Variants in KDM3A observed in about 807,000 individuals in gnomAD.
The protein encoded by KDM3A is lysine demethylase 3A.
KDM3A carries 60 observed loss-of-function variants against 158.0 expected under a neutral mutation model. That is an observed-to-expected ratio of 0.38 (90% CI 0.31 to 0.47). The LOEUF (loss-of-function observed/expected upper bound fraction) is 0.47, where lower values mean the gene tolerates loss of function less well. Among genes scored for constraint, KDM3A ranks in the 20% least tolerant of loss-of-function variants. KDM3A has a pLI of 0.99. For synonymous variants in KDM3A, 608 were observed against 549.3 expected, an observed-to-expected ratio of 1.11 and a Z score of -1.49; for missense variants, 1,319 against 1,574.3, an observed-to-expected ratio of 0.84 and a Z score of 2.74.
chr2:86,465,068 TA>T (rs1673077704), intron 9 of KDM3A, among the ~76,000 whole-genome samples: 1 of 152,176 alleles, frequency 6.6e-6, no homozygotes, highest in South Asian at 2.1e-4. Context: ...TCTGAGTGTT[TA>T]AATGAAAAAT....
intron 2 of KDM3A, chr2:86,443,241 C>G (rs953592185): frequency 1.3e-5 from 2 of 152,186 alleles, no homozygotes; most frequent in African/African-American, 4.8e-5. Context: ...ATCATCTTTG[C>G]TTTTTCTTAA....
intron 2 of KDM3A, among the ~76,000 whole-genome samples, chr2:86,444,626 G>A (rs975746091): frequency 4.7e-5 from 7 of 150,318 alleles, no homozygotes; most frequent in Non-Finnish European, 8.9e-5. Flanking sequence ...GCTTACACTA[G>A]GGTTTAGGGG....
In KDM3A at chr2:86,481,997, C is replaced by T. The variant is rs2104700274; in HGVS notation, c.2580C>T (p.Ser860=). ...IKCLPPLPPL[S]KSSTVLHTFN... is the part of the protein sequence containing the mutation. Reference sequence around the variant, plus strand: ...GCCTTCCACCCCTCCCACCTTTAAGCAAATCCAGCACAGTCCTCCATACGT... The same window carrying T: ...GCCTTCCACCCCTCCCACCTTTAAGTAAATCCAGCACAGTCCTCCATACGT... The change falls in exon 17 of 26, where the codon AGC becomes AGT. Residue 860 remains serine (S), a synonymous_variant. Coordinates refer to ENST00000312912, the MANE Select transcript of KDM3A (RefSeq NM_018433.6). 6.2e-7 allele frequency: 1 copy of T among 1,613,874 alleles called. No homozygotes were observed. Among genetic ancestry groups the T allele is most frequent in the Non-Finnish European group, 8.5e-7 (1 of 1,179,806 alleles).
intron 9 of KDM3A, among the ~76,000 whole-genome samples, chr2:86,466,054 A>T (rs2104663747): frequency 6.6e-6 from 1 of 152,176 alleles, no homozygotes; most frequent in East Asian, 1.9e-4. Flanking sequence ...GGTTTCATAC[A>T]ATATTTTGTT....
At position 86,468,801 on chromosome 2, in the gene KDM3A, T is replaced by A. The variant is rs564550112; in HGVS notation, c.1520-1403T>A. ...AGATAGATACGTGGCTCCTCGGAAG[T>A]GGGCGTTGCATTTTTCTCTTGACTT... On this transcript the variant is annotated intron_variant, in intron 10 of 25. Coordinates refer to ENST00000312912, the MANE Select transcript of KDM3A (RefSeq NM_018433.6). Among the ~76,000 whole-genome samples the A allele has an allele frequency of 3.9e-5, 6 of 152,306 alleles. No homozygotes were observed. In the East Asian group the frequency reaches 1.2e-3, roughly 29 times the overall value.
At chr2:86,485,351 C>G (rs1247355697) in intron 20 of KDM3A, among the ~76,000 whole-genome samples, 2 of 152,186 alleles carry the variant, frequency 1.3e-5, no homozygotes, top group African/African-American at 4.8e-5. Flanking sequence ...AGGGTCAGGA[C>G]AATGTAGTCA....
upstream of KDM3A, among the ~76,000 whole-genome samples, chr2:86,437,109 T>C (rs1682505393): frequency 6.6e-6 from 1 of 152,176 alleles, no homozygotes; most frequent in African/African-American, 2.4e-5. Context: ...TTTTCGTGAA[T>C]GTTGGTGTAG....
chr2:86,470,626 T>G (rs1246313069), intron 11 of KDM3A, among the ~76,000 whole-genome samples: 1 of 152,196 alleles, frequency 6.6e-6, no homozygotes, highest in East Asian at 1.9e-4. Flanking sequence ...CTTAAAAATA[T>G]AAACTTCTAT....
At chr2:86,478,353 A>C (rs1174609307) in intron 14 of KDM3A, 88 bp downstream of exon 14, 7 of 1,017,542 alleles carry the variant, frequency 6.9e-6, no homozygotes, top group Admixed American at 2.1e-5. Flanking sequence ...ATTACTCGTT[A>C]AGTTTATTTT....
At chr2:86,490,766 C>T (rs1674415272) in intron 23 of KDM3A, 115 bp from the exon 24 acceptor site, 1 of 684,478 alleles carries the variant, frequency 1.5e-6, no homozygotes, top group South Asian at 2.1e-5. Flanking sequence ...AATGGGGGCA[C>T]TTAAGTTGAA....
At position 86,474,824 on chromosome 2, in the gene KDM3A, A is replaced by G; in HGVS notation, c.1773A>G (p.Thr591=). 2 of 1,613,468 alleles carry G rather than the reference A, an allele frequency of 1.2e-6. No individual in the cohort carries two copies. The highest frequency in any genetic ancestry group is 8.5e-7 in the Non-Finnish European group (1 of 1,179,944). The change falls in exon 12 of 26, where the codon ACA becomes ACG. Residue 591 remains threonine, a synonymous_variant. Coordinates refer to ENST00000312912, the MANE Select transcript of KDM3A (RefSeq NM_018433.6). ...HGVLRVEGFL[T]PNKYDNEAIG... is the part of the protein sequence containing the mutation. ...TGTTGCGGGTAGAAGGCTTCTTAACACCAAACAAGTATGACAATGAAGCAA... is the reference window on the plus strand; with the variant it reads ...TGTTGCGGGTAGAAGGCTTCTTAACGCCAAACAAGTATGACAATGAAGCAA...
intron 21 of KDM3A, chr2:86,489,053 C>G: frequency 2.7e-6 from 1 of 370,388 alleles, no homozygotes; most frequent in Non-Finnish European, 5.0e-6. Flanking sequence ...CTCACTTGAT[C>G]TAGCAGATGT....
intron 8 of KDM3A, among the ~76,000 whole-genome samples, chr2:86,459,299 C>T (rs1672830078): frequency 6.6e-6 from 1 of 152,054 alleles, no homozygotes; most frequent in Non-Finnish European, 1.5e-5. Context: ...GTCAAGTAAT[C>T]CATAGTATTA....
intron 15 of KDM3A, chr2:86,479,924 C>G: frequency 3.9e-6 from 2 of 516,166 alleles, no homozygotes; most frequent in Non-Finnish European, 6.9e-6. Context: ...CCAGCAGGGG[C>G]TGGTGAAAGG....
chr2:86,479,335 T>G lies in KDM3A; in HGVS notation c.2316+600T>G, dbSNP rs559662486. 6 of 152,302 alleles carry G rather than the reference T, an allele frequency of 3.9e-5. No individual in the cohort carries two copies. In the East Asian group the frequency reaches 5.8e-4, roughly 15 times the overall value. 9.4% of individuals were successfully genotyped at this position (152,302 alleles called of 1,614,324 possible). On this transcript the variant is annotated intron_variant, in intron 15 of 25. Coordinates refer to ENST00000312912, the MANE Select transcript of KDM3A (RefSeq NM_018433.6). The stretch of plus-strand genomic sequence containing the variant: ...GTGTTTAATAATCAGAAATTTACAT[T>G]TCTATAAAGCTGTGGTGTCATAAGG...
chr2:86,489,325 C>A lies in KDM3A; in HGVS notation c.3321C>A (p.Ile1107=). The change falls in exon 22 of 26, where the codon ATC becomes ATA. Residue 1107 remains isoleucine (I), a synonymous_variant. Coordinates refer to ENST00000312912, the MANE Select transcript of KDM3A (RefSeq NM_018433.6). ...GGCACTTTGTTTTTGCAGGATTAAT[C>A]ACTCCTGAAGATCGGAAATATGGAA... is the stretch of plus-strand genomic sequence containing the variant. The part of the protein sequence containing the change: ...GPKMYNAYGL[I]TPEDRKYGTT... 6.2e-7 allele frequency: 1 copy of A among 1,613,014 alleles called. No individual in the cohort carries two copies. The highest frequency in any genetic ancestry group is 1.1e-5 in the South Asian group (1 of 90,796).
rs150015349 is a variant in KDM3A, at chr2:86,464,309, G to A, written c.1007+93G>A. The A allele has an allele frequency of 1.0e-4, 100 of 970,562 alleles. No homozygotes were observed. In the African/African-American group the frequency reaches 1.4e-3, roughly 14 times the overall value. 60.1% of individuals were successfully genotyped at this position (970,562 alleles called of 1,614,324 possible). ...TTTTTATCCCTGGTTGTCCAGGGAGGTTTTTCGTTAGAGTTTCTGAGAAAA... is the reference window on the plus strand; with the variant it reads ...TTTTTATCCCTGGTTGTCCAGGGAGATTTTTCGTTAGAGTTTCTGAGAAAA... On this transcript the variant is annotated intron_variant, in intron 9 of 25. Transcript: ENST00000312912.
chr2:86,454,990 C>T, intron 4 of KDM3A, 95 bp from the exon 5 acceptor site: 1 of 675,102 alleles, frequency 1.5e-6, no homozygotes, highest in Non-Finnish European at 2.5e-6. Context: ...CTACTTTAAC[C>T]CATTTGATTA....
Position 86,464,336 on chromosome 2 carries a change from A to C in KDM3A, c.1007+120A>C, listed in dbSNP as rs954295799. 1.7e-4 allele frequency: 108 copies of C among 638,708 alleles called. 1 individual carries two copies. The highest frequency in any genetic ancestry group is 9.3e-4 in the Admixed American group (29 of 31,232). 39.6% of individuals were successfully genotyped at this position (638,708 alleles called of 1,614,324 possible). A position where few individuals can be genotyped will look rare whatever the true frequency, so the allele number is the denominator to read the frequency against. On this transcript the variant is annotated intron_variant, in intron 9 of 25. Transcript: ENST00000312912. ...TTTTCGTTAGAGTTTCTGAGAAAAG[A>C]TGGATAGATGCTTTTGAAGGTGAAA... is the stretch of plus-strand genomic sequence containing the variant.
Sources: allele counts gnomAD v4.1 joint callset (sites outside exome capture counted in the v4.1 genomes callset), GRCh38; gene constraint gnomAD v4.1.1; transcripts MANE v1.5; gene names NCBI Gene and HGNC (gene_info 2026-07-23, HGNC 2026-07-21).